GALK2: variants seen among roughly 807,000 people sequenced by gnomAD.
The protein encoded by GALK2 is N-acetylgalactosamine kinase.
GALK2 carries 36 observed loss-of-function variants against 52.4 expected under a neutral mutation model. The ratio of observed to expected loss-of-function variants is 0.69; its 90% CI spans 0.53 to 0.91. The LOEUF (loss-of-function observed/expected upper bound fraction) is 0.91, where lower values mean the gene tolerates loss of function less well. Among genes scored for constraint, GALK2 ranks in the 40% least tolerant of loss-of-function variants. The pLI, the probability that GALK2 is intolerant of heterozygous loss-of-function variation, is 0.00. For missense variants in GALK2, 579 were observed against 559.1 expected, an observed-to-expected ratio of 1.04 and a Z score of -0.36; for synonymous variants, 176 against 199.1, an observed-to-expected ratio of 0.88 and a Z score of 0.98.
intron 1 of GALK2, among the ~76,000 whole-genome samples, chr15:49,172,869 G>A (rs1288295059): frequency 6.6e-6 from 1 of 152,054 alleles, no homozygotes; most frequent in Non-Finnish European, 1.5e-5. Flanking sequence ...TTTAAAACTT[G>A]TTGGATTATT....
intron 8 of GALK2, among the ~76,000 whole-genome samples, chr15:49,307,780 A>G (rs1228397213): frequency 6.6e-6 from 1 of 152,254 alleles, no homozygotes; most frequent in Admixed American, 6.5e-5. Context: ...TCCATAAAAC[A>G]GCATTATGCT....
intron 1 of GALK2, chr15:49,156,739 G>A (rs1354642741): frequency 5.5e-6 from 3 of 549,300 alleles, no homozygotes; most frequent in African/African-American, 1.9e-5. Flanking sequence ...AGAAAATAGC[G>A]CAAGAATATC....
At chr15:49,304,926 C>T (rs1050692262) in intron 8 of GALK2, among the ~76,000 whole-genome samples, 4 of 152,164 alleles carry the variant, frequency 2.6e-5, no homozygotes, top group African/African-American at 7.2e-5. Flanking sequence ...CTGGTGAAAG[C>T]TTACTTGGTA....
At chr15:49,293,371 G>A (rs1001031261) in intron 8 of GALK2, among the ~76,000 whole-genome samples, 1 of 152,314 alleles carries the variant, frequency 6.6e-6, no homozygotes, top group East Asian at 1.9e-4. Context: ...TAACACTGTC[G>A]ATCCAATTTA....
chr15:49,339,788 T>G (rs968842033), intron 3 of GALK2, among the ~76,000 whole-genome samples: 1 of 152,226 alleles, frequency 6.6e-6, no homozygotes, highest in African/African-American at 2.4e-5. Context: ...AGTCCCTGAT[T>G]GGGGCTGGTG....
chr15:49,287,448 A>G (rs1019390553), intron 7 of GALK2, among the ~76,000 whole-genome samples: 1 of 152,216 alleles, frequency 6.6e-6, no homozygotes, highest in Admixed American at 6.5e-5. Context: ...CACTTTACTC[A>G]GAGATATTGA....
intron 2 of GALK2, among the ~76,000 whole-genome samples, chr15:49,204,835 T>G (rs1466776904): frequency 6.6e-6 from 1 of 152,170 alleles, no homozygotes; most frequent in African/African-American, 2.4e-5. Flanking sequence ...TTTGTAGTCT[T>G]CTATCCCGCG....
intron 1 of GALK2, among the ~76,000 whole-genome samples, chr15:49,157,632 A>T (rs2084505670): frequency 6.6e-6 from 1 of 152,192 alleles, no homozygotes; most frequent in Admixed American, 6.5e-5. Context: ...AATAATTAAA[A>T]AACCATGGTA....
chr15:49,156,395 A>AT, intron 1 of GALK2: 1 of 426,500 alleles, frequency 2.3e-6, no homozygotes, highest in South Asian at 2.1e-5. Flanking sequence ...AATCCGCAAC[A>AT]TGAAGCCCTC....
intron 5 of GALK2, among the ~76,000 whole-genome samples, chr15:49,278,817 A>C (rs983662682): frequency 6.6e-6 from 1 of 152,256 alleles, no homozygotes; most frequent in Admixed American, 6.5e-5. Flanking sequence ...GCTGTGAAGA[A>C]ATACTTGATA....
chr15:49,366,012 T>C, intron 3 of GALK2: 2 of 804,122 alleles, frequency 2.5e-6, no homozygotes. Context: ...CTACAAATAT[T>C]ACAACTGTAA....
intron 3 of GALK2, among the ~76,000 whole-genome samples, chr15:49,342,338 G>A (rs570012729): frequency 3.3e-4 from 50 of 152,224 alleles, no homozygotes; most frequent in Non-Finnish European, 6.5e-4. Context: ...TCTGGTATAA[G>A]AATAGTGACT....
intron 2 of GALK2, among the ~76,000 whole-genome samples, chr15:49,205,685 T>C (rs531254999): frequency 4.2e-4 from 64 of 152,342 alleles, no homozygotes; most frequent in African/African-American, 1.5e-3. Flanking sequence ...GTAGGTTGTC[T>C]TTTTACTCTG....
At chr15:49,209,872 G>A (rs540829030) in intron 2 of GALK2, among the ~76,000 whole-genome samples, 3 of 152,222 alleles carry the variant, frequency 2.0e-5, no homozygotes, top group South Asian at 2.1e-4. Context: ...AGAATTCCCC[G>A]CCTTTCAATT....
intron 5 of GALK2, among the ~76,000 whole-genome samples, chr15:49,256,137 C>T (rs1167032865): frequency 1.3e-5 from 2 of 152,026 alleles, no homozygotes; most frequent in African/African-American, 2.4e-5. Context: ...TACCAAGCAA[C>T]GCGAATTTGG....
intron 1 of GALK2, among the ~76,000 whole-genome samples, chr15:49,161,314 G>C (rs536998729): frequency 3.3e-5 from 5 of 152,312 alleles, no homozygotes; most frequent in African/African-American, 1.2e-4. Flanking sequence ...GGTCTTCACT[G>C]TGCTGAGCAT....
rs114013530 is a variant in GALK2, at chr15:49,265,557, G to A, written c.505-16430G>A. Among the ~76,000 whole-genome samples, 928 of 152,330 alleles carry A rather than the reference G, an allele frequency of 6.1e-3. 16 individuals carry two copies. The highest frequency in any genetic ancestry group is 0.021 in the African/African-American group (894 of 41,594). On this transcript the variant is annotated intron_variant, in intron 5 of 9. Transcript: ENST00000560031. ...GCAATGCCTCGCCCTGTTTTGGCTC[G>A]CGCGCAGTGCGCTGCATCCACTATC... is the stretch of plus-strand genomic sequence containing the variant.
At chr15:49,333,651 A>G (rs898809612), downstream of GALK2, among the ~76,000 whole-genome samples, 2 of 152,194 alleles carry the variant, frequency 1.3e-5, no homozygotes, top group African/African-American at 4.8e-5. Flanking sequence ...CTAGCTTTAT[A>G]AGTTCTAAAA....
intron 3 of GALK2, among the ~76,000 whole-genome samples, chr15:49,348,027 A>C (rs1392559029): frequency 9.2e-5 from 14 of 151,668 alleles, no homozygotes; most frequent in Non-Finnish European, 1.5e-4. Context: ...CTCAAAAAAA[A>C]AAAAAAAAAA....
Sources: gnomAD v4.1 joint callset for allele counts (sites outside exome capture counted in the v4.1 genomes callset) on GRCh38, gnomAD v4.1.1 for gene constraint, MANE v1.5 for transcripts, NCBI Gene and HGNC (gene_info 2026-07-23, HGNC 2026-07-21) for gene names.